Variants in GABRB2 observed in about 807,000 individuals in gnomAD.
The protein encoded by GABRB2 is gamma-aminobutyric acid type A receptor subunit beta2.
Under a neutral mutation model 54.7 loss-of-function variants are expected in GABRB2, and 16 were observed. The ratio of observed to expected loss-of-function variants is 0.29; its 90% CI spans 0.20 to 0.44. GABRB2 has a LOEUF of 0.44. Ranked by LOEUF, GABRB2 falls within the 20% of genes least tolerant of loss-of-function variation. The pLI is 1.00. For synonymous variants in GABRB2, 244 were observed against 233.8 expected (o/e 1.04, Z -0.40); for missense variants, 355 against 644.0 (o/e 0.55, Z 4.86).
intron 3 of GABRB2, among the ~76,000 whole-genome samples, chr5:161,472,075 A>G (rs1364413672): frequency 6.6e-6 from 1 of 151,914 alleles, no homozygotes; most frequent in Non-Finnish European, 1.5e-5. Context: ...CACAGTTTCT[A>G]TGAGTAAATA....
At chr5:161,533,386 C>A (rs1440280996) in intron 3 of GABRB2, among the ~76,000 whole-genome samples, 1 of 152,012 alleles carries the variant, frequency 6.6e-6, no homozygotes, top group Admixed American at 6.6e-5. Context: ...TTTTAACAGT[C>A]TGTTTCAAAG....
intron 4 of GABRB2, among the ~76,000 whole-genome samples, chr5:161,458,648 A>G (rs532088240): frequency 2.0e-5 from 3 of 152,230 alleles, no homozygotes; most frequent in African/African-American, 7.2e-5. Flanking sequence ...TCCAGAGATT[A>G]CTTTCTTTGT....
intron 3 of GABRB2, 142 bp downstream of exon 3, chr5:161,545,085 A>C: frequency 1.8e-6 from 1 of 544,538 alleles, no homozygotes; most frequent in Non-Finnish European, 3.3e-6. Flanking sequence ...AACACAGGGT[A>C]TTCTAGGGTG....
chr5:161,446,416 T>C (rs534770540), intron 4 of GABRB2, among the ~76,000 whole-genome samples: 1 of 152,278 alleles, frequency 6.6e-6, no homozygotes, highest in East Asian at 1.9e-4. Flanking sequence ...ATTTAGGTAA[T>C]CAAAGTGAAT....
intron 7 of GABRB2, among the ~76,000 whole-genome samples, chr5:161,332,787 A>G (rs1436635642): frequency 6.6e-6 from 1 of 152,058 alleles, no homozygotes; most frequent in Non-Finnish European, 1.5e-5. Flanking sequence ...ATTTTATCTC[A>G]GTAGTAATAA....
chr5:161,361,873 T>C (rs955031392), intron 5 of GABRB2, among the ~76,000 whole-genome samples: 24 of 152,314 alleles, frequency 1.6e-4, no homozygotes, highest in African/African-American at 5.3e-4. Context: ...TGAATGGTAT[T>C]GCCTAGGTTT....
intron 4 of GABRB2, among the ~76,000 whole-genome samples, chr5:161,428,287 ACGTGTGTG>A (rs1757069043): frequency 7.8e-6 from 1 of 128,928 alleles, no homozygotes; most frequent in African/African-American, 3.1e-5. Flanking sequence ...TCAGAGAGTT[ACGTGTGTG>A]TGTGTGTGTG....
At chr5:161,450,734 A>G (rs1425009759) in intron 4 of GABRB2, among the ~76,000 whole-genome samples, 1 of 152,210 alleles carries the variant, frequency 6.6e-6, no homozygotes, top group Non-Finnish European at 1.5e-5. Context: ...GAACTTGAAT[A>G]TATCAGAAAT....
chr5:161,457,245 T>A (rs1016127543), intron 4 of GABRB2, among the ~76,000 whole-genome samples: 18 of 152,176 alleles, frequency 1.2e-4, no homozygotes, highest in African/African-American at 4.1e-4. Context: ...GGAACCTGCA[T>A]ATTTTTTAAT....
chr5:161,308,643 T>C (rs1757771289), intron 9 of GABRB2, among the ~76,000 whole-genome samples: 1 of 152,192 alleles, frequency 6.6e-6, no homozygotes, highest in African/African-American at 2.4e-5. Context: ...CAAAACAGCA[T>C]GGTACTGGTA....
chr5:161,349,356 C>T (rs1754406069), intron 5 of GABRB2, among the ~76,000 whole-genome samples: 1 of 151,834 alleles, frequency 6.6e-6, no homozygotes, highest in African/African-American at 2.4e-5. Context: ...TCATCAAGAC[C>T]CAAATTCTGT....
chr5:161,316,610 T>C (rs1436138300), intron 9 of GABRB2, among the ~76,000 whole-genome samples: 1 of 152,136 alleles, frequency 6.6e-6, no homozygotes, highest in Non-Finnish European at 1.5e-5. Context: ...ATTCATTCAT[T>C]CTTTCTTTCT....
chr5:161,521,167 T>C (rs1384011659), intron 3 of GABRB2, among the ~76,000 whole-genome samples: 1 of 152,032 alleles, frequency 6.6e-6, no homozygotes, highest in Non-Finnish European at 1.5e-5. Flanking sequence ...AAGTCCTAGC[T>C]GCCCCTTTAG....
rs565622058 is a variant in GABRB2, at chr5:161,418,339, G to C, written c.459-7282C>G. Among the ~76,000 whole-genome samples the C allele has an allele frequency of 2.6e-5, 4 of 152,180 alleles. No homozygotes were observed. In the South Asian group the frequency reaches 8.3e-4, roughly 32 times the overall value. ...TACATTCCTGGCGGTCTCATCTATA[G>C]GTACTTTGTTTATCTCAGAGGTGAG... On this transcript the variant is annotated intron_variant, in intron 4 of 9. Transcript: ENST00000393959.
intron 9 of GABRB2, among the ~76,000 whole-genome samples, chr5:161,300,510 G>A (rs1757506095): frequency 6.6e-6 from 1 of 152,164 alleles, no homozygotes; most frequent in Non-Finnish European, 1.5e-5. Flanking sequence ...ATTCTGGGTT[G>A]TTGATGTTTA....
At chr5:161,421,659 A>G (rs1756857332) in intron 4 of GABRB2, among the ~76,000 whole-genome samples, 1 of 152,124 alleles carries the variant, frequency 6.6e-6, no homozygotes, top group Admixed American at 6.5e-5. Context: ...ACCCAACATC[A>G]GACAGACCCC....
intron 3 of GABRB2, among the ~76,000 whole-genome samples, chr5:161,469,362 A>C (rs372437639): frequency 6.6e-6 from 1 of 151,948 alleles, no homozygotes; most frequent in South Asian, 2.1e-4. Flanking sequence ...ACAAAGCATA[A>C]ATTTCTTTTA....
intron 3 of GABRB2, among the ~76,000 whole-genome samples, chr5:161,494,778 A>T (rs1000025113): frequency 2.8e-4 from 42 of 151,944 alleles, no homozygotes; most frequent in Middle Eastern, 3.4e-3. Context: ...TTTAAATGCC[A>T]CCTGGTGTCT....
chr5:161,439,889 A>C (rs1757415278), intron 4 of GABRB2, among the ~76,000 whole-genome samples: 1 of 152,036 alleles, frequency 6.6e-6, no homozygotes, highest in East Asian at 1.9e-4. Context: ...TACCTAGGTG[A>C]TGGGTTGATC....
Sources: allele counts gnomAD v4.1 joint callset (sites outside exome capture counted in the v4.1 genomes callset), GRCh38; gene constraint gnomAD v4.1.1; transcripts MANE v1.5; gene names NCBI Gene and HGNC (gene_info 2026-07-23, HGNC 2026-07-21).